Variants in OPN5 observed in about 807,000 individuals in gnomAD.
OPN5 encodes the protein opsin-5.
In OPN5, 18 loss-of-function variants were observed where a neutral mutation model predicts 41.7. The observed-to-expected ratio is 0.43, with a 90% CI of 0.30 to 0.64. The LOEUF is 0.64. OPN5 is among the 30% of genes least tolerant of loss of function. The pLI, the probability that OPN5 is intolerant of heterozygous loss-of-function variation, is 0.13. For synonymous variants in OPN5, 178 were observed against 164.3 expected (o/e 1.08, Z -0.64); for missense variants, 318 against 434.5 (o/e 0.73, Z 2.38).
Position 47,791,815 on chromosome 6 carries a change from G to A in OPN5, c.264G>A (p.Pro88=), listed in dbSNP as rs566454590. Residue 88 remains proline, a synonymous_variant, in exon 3 of 7, where the codon CCG becomes CCA. Coordinates refer to ENST00000371211, the Ensembl canonical transcript of OPN5. ...TTGGTGCTCTAGTTGTAGGCAAGCC[G>A]TTCACCATCATCTCTTGCTTTTGTC... The A allele has an allele frequency of 3.0e-5, 49 of 1,613,952 alleles. 1 individual carries two copies. In the South Asian group the frequency reaches 4.1e-4, roughly 13 times the overall value.
intron 6 of OPN5, among the ~76,000 whole-genome samples, chr6:47,819,374 G>A (rs1362499343): frequency 6.8e-4 from 26 of 38,280 alleles, no homozygotes; most frequent in Admixed American, 2.9e-3. Context: ...TACCGTATAA[G>A]TAGAAATATA....
intron 5 of OPN5, among the ~76,000 whole-genome samples, chr6:47,810,905 G>A (rs1409732344): frequency 6.6e-6 from 1 of 152,174 alleles, no homozygotes; most frequent in East Asian, 1.9e-4. Context: ...AATGACTGCT[G>A]CCTGGGCCCC....
At chr6:47,822,735 G>C (rs1762667605) in intron 6 of OPN5, among the ~76,000 whole-genome samples, 1 of 152,202 alleles carries the variant, frequency 6.6e-6, no homozygotes, top group Non-Finnish European at 1.5e-5. Flanking sequence ...TAGGCAGATT[G>C]GCCATGAGAG....
Position 47,819,879 on chromosome 6 carries a change from A to G in OPN5, c.1057-4104A>G, listed in dbSNP as rs562936992. Among the ~76,000 whole-genome samples the G allele has an allele frequency of 3.9e-5, 6 of 152,334 alleles. No individual in the cohort carries two copies. In the South Asian group the frequency reaches 1.2e-3, roughly 32 times the overall value. On this transcript the variant is annotated intron_variant, in intron 6 of 6. Transcript: ENST00000371211. ...AGTTTGTATAAAAGGTTGAAACTTG[A>G]GTTATTTGCTGGGAAGCAAATTCCT...
At chr6:47,820,404 C>G (rs1033903346) in intron 6 of OPN5, among the ~76,000 whole-genome samples, 1 of 152,152 alleles carries the variant, frequency 6.6e-6, no homozygotes, top group East Asian at 1.9e-4. Context: ...ACTCTTAGTA[C>G]TTTGCTATAT....
intron 3 of OPN5, among the ~76,000 whole-genome samples, chr6:47,792,732 A>G (rs79505515): frequency 0.14 from 21,847 of 152,182 alleles, 1,675 homozygotes; most frequent in Middle Eastern, 0.16. Context: ...AACAGTACTG[A>G]CTTCCTCTGG....
intron 5 of OPN5, among the ~76,000 whole-genome samples, chr6:47,809,395 G>A (rs1774104434): frequency 6.6e-6 from 1 of 152,192 alleles, no homozygotes; most frequent in Non-Finnish European, 1.5e-5. Flanking sequence ...CTGAGCAAGT[G>A]ACAAATATTT....
chr6:47,795,801 C>T (rs948779800), intron 4 of OPN5, among the ~76,000 whole-genome samples: 4 of 151,834 alleles, frequency 2.6e-5, no homozygotes, highest in African/African-American at 7.3e-5. Flanking sequence ...CACACACACA[C>T]ACACACACAC....
At chr6:47,825,961 G>A (rs1321134838), downstream of OPN5, 3 of 152,066 alleles carry the variant, frequency 2.0e-5, no homozygotes, top group Admixed American at 2.0e-4. Flanking sequence ...ACCTCGGGAG[G>A]TTAGCCATTT....
chr6:47,811,719 A>G (rs201229999), exon 6 of OPN5: 1 of 1,611,852 alleles, frequency 6.2e-7, no homozygotes, highest in Admixed American at 1.7e-5. Flanking sequence ...CTGTGCTGGA[A>G]ATTCATGAAG....
At position 47,808,378 on chromosome 6, in the gene OPN5, G is replaced by A. The variant is rs1208070727; in HGVS notation, c.981G>A (p.Lys327=). 6.8e-6 allele frequency: 11 copies of A among 1,613,960 alleles called. No individual in the cohort carries two copies. In the African/African-American group the frequency reaches 1.1e-4, roughly 16 times the overall value. Residue 327 remains lysine, a synonymous_variant, in exon 5 of 7, where the codon AAG becomes AAA. Coordinates refer to ENST00000371211, the Ensembl canonical transcript of OPN5. ...GTGGTTTGAAAGCAACCAAGAAGAA[G>A]TCTCTGGAAGGCTTCAGGTAAAACT...
intron 2 of OPN5, among the ~76,000 whole-genome samples, chr6:47,788,805 T>TAG (rs1554139113): frequency 8.0e-6 from 1 of 125,162 alleles, no homozygotes; most frequent in Non-Finnish European, 1.6e-5. Flanking sequence ...TAGGATAACC[T>TAG]GGGGGGGGGC....
chr6:47,799,032 G>GGCCA (rs934443951), intron 4 of OPN5, among the ~76,000 whole-genome samples: 42 of 152,052 alleles, frequency 2.8e-4, no homozygotes, highest in African/African-American at 9.9e-4. Context: ...TTATGACTGG[G>GGCCA]GCCAGTATTC....
intron 2 of OPN5, among the ~76,000 whole-genome samples, chr6:47,789,828 A>C (rs1773311266): frequency 6.6e-6 from 1 of 152,154 alleles, no homozygotes; most frequent in Non-Finnish European, 1.5e-5. Context: ...TAGCTTTCCT[A>C]AAACATTAAG....
chr6:47,802,040 G>A (rs536746670), intron 4 of OPN5, among the ~76,000 whole-genome samples: 4 of 152,324 alleles, frequency 2.6e-5, no homozygotes, highest in Admixed American at 2.6e-4. Context: ...AAAGCCTTCT[G>A]TATCTGAGGA....
intron 4 of OPN5, among the ~76,000 whole-genome samples, chr6:47,801,168 A>G (rs1773755566): frequency 6.6e-6 from 1 of 152,222 alleles, no homozygotes; most frequent in Non-Finnish European, 1.5e-5. Context: ...TAAGTGAGGC[A>G]AAGGAAAATG....
intron 1 of OPN5, among the ~76,000 whole-genome samples, chr6:47,785,093 A>G (rs570461180): frequency 6.6e-6 from 1 of 152,348 alleles, no homozygotes; most frequent in East Asian, 1.9e-4. Context: ...GAAAACAAAT[A>G]TTTTCAAAAG....
At chr6:47,823,646 C>T (rs2114020682) in intron 6 of OPN5, 1 of 420,432 alleles carries the variant, frequency 2.4e-6, no homozygotes, top group East Asian at 3.6e-5. Flanking sequence ...CAAGGCCTTA[C>T]AGGTTAGTCT....
At chr6:47,792,908 A>G (rs1034814629) in intron 3 of OPN5, among the ~76,000 whole-genome samples, 4 of 145,804 alleles carry the variant, frequency 2.7e-5, no homozygotes, top group Non-Finnish European at 6.0e-5. Context: ...ACATCCCCAA[A>G]CTCCAAAGAA....
Sources: allele counts gnomAD v4.1 joint callset (sites outside exome capture counted in the v4.1 genomes callset), GRCh38; gene constraint gnomAD v4.1.1; transcripts MANE v1.5; gene names NCBI Gene and HGNC (gene_info 2026-07-23, HGNC 2026-07-21).